The following NETO2 variants were observed in gnomAD, a reference collection of about 807,000 sequenced individuals.
NETO2 encodes neuropilin and tolloid like 2.
A neutral mutation model predicts 62.5 loss-of-function variants in NETO2; 28 were observed. The ratio of observed to expected loss-of-function variants is 0.45; its 90% CI spans 0.33 to 0.61. The LOEUF (loss-of-function observed/expected upper bound fraction) is 0.61. Among genes scored for constraint, NETO2 ranks in the 20% least tolerant of loss-of-function variants. The pLI, the probability that NETO2 is intolerant of heterozygous loss-of-function variation, is 0.02. For missense variants in NETO2, 548 were observed against 643.2 expected (o/e 0.85, Z 1.60); for synonymous variants, 214 against 219.1 (o/e 0.98, Z 0.21).
At position 47,125,846 on chromosome 16, in the gene NETO2, C is replaced by T. The variant is rs186442757; in HGVS notation, c.481+2479G>A. 9.6e-4 allele frequency among the ~76,000 whole-genome samples: 146 copies of T among 152,310 alleles called. 1 individual carries two copies. Among genetic ancestry groups the T allele is most frequent in the African/African-American group, 3.5e-3 (144 of 41,560 alleles). On this transcript the variant is annotated intron_variant, in intron 4 of 8. Transcript: ENST00000562435. Reference sequence around the variant, plus strand: ...GCTGGAATGACACGTGTGCACCACACGCCTGGCTCCACCATTTTTAAGTTT... The same window carrying T: ...GCTGGAATGACACGTGTGCACCACATGCCTGGCTCCACCATTTTTAAGTTT...
chr16:47,115,714 C>CATATATATATATACATATAT (rs1555498121), intron 6 of NETO2, among the ~76,000 whole-genome samples: 44 of 128,470 alleles, frequency 3.4e-4, no homozygotes, highest in African/African-American at 1.5e-3. Flanking sequence ...TATATATATA[C>CATATATATATATACATATAT]ATATATATAT....
At chr16:47,104,772 T>G (rs1345728846) in intron 7 of NETO2, among the ~76,000 whole-genome samples, 1 of 152,230 alleles carries the variant, frequency 6.6e-6, no homozygotes, top group South Asian at 2.1e-4. Flanking sequence ...CAGGCTGGAG[T>G]GCAGTGGCAC....
intron 1 of NETO2, among the ~76,000 whole-genome samples, chr16:47,139,383 C>A (rs761504511): frequency 3.9e-5 from 6 of 152,178 alleles, no homozygotes; most frequent in Non-Finnish European, 7.3e-5. Context: ...AGATACCCTG[C>A]CACCACTGTT....
At chr16:47,106,791 T>G (rs1342908764) in intron 7 of NETO2, among the ~76,000 whole-genome samples, 1 of 152,094 alleles carries the variant, frequency 6.6e-6, no homozygotes, top group Non-Finnish European at 1.5e-5. Context: ...AATTTTTTTT[T>G]TTTTTTGAGA....
intron 7 of NETO2, among the ~76,000 whole-genome samples, chr16:47,102,029 A>G (rs1265866250): frequency 6.6e-6 from 1 of 152,204 alleles, no homozygotes; most frequent in African/African-American, 2.4e-5. Flanking sequence ...CTTACTTTCA[A>G]ACTATACTAC....
intron 6 of NETO2, among the ~76,000 whole-genome samples, chr16:47,111,892 AT>A (rs1361538700): frequency 6.6e-6 from 1 of 152,002 alleles, no homozygotes; most frequent in Non-Finnish European, 1.5e-5. Flanking sequence ...TGACACTTTT[AT>A]TTCTCAATTG....
chr16:47,105,027 T>C (rs1229988846), intron 7 of NETO2, among the ~76,000 whole-genome samples: 1 of 151,816 alleles, frequency 6.6e-6, no homozygotes, highest in Non-Finnish European at 1.5e-5. Flanking sequence ...GCCTTTTTTT[T>C]TTTCTTTTTT....
chr16:47,092,661 T>C (rs758696558), intron 7 of NETO2, among the ~76,000 whole-genome samples: 9 of 152,174 alleles, frequency 5.9e-5, no homozygotes, highest in Non-Finnish European at 7.3e-5. Flanking sequence ...TTGTAGTTAT[T>C]TGACACAGTG....
intron 7 of NETO2, among the ~76,000 whole-genome samples, chr16:47,105,836 A>G (rs1277701674): frequency 6.6e-6 from 1 of 152,196 alleles, no homozygotes; most frequent in Admixed American, 6.5e-5. Flanking sequence ...GTATTGGTGA[A>G]CATGTGGAGA....
At chr16:47,114,435 A>ATTTT (rs1244612138) in intron 6 of NETO2, among the ~76,000 whole-genome samples, 7 of 86,416 alleles carry the variant, frequency 8.1e-5, no homozygotes, top group Non-Finnish European at 1.6e-4. Flanking sequence ...CAATTTATAA[A>ATTTT]TTTCTTTTTT....
chr16:47,131,074 G>GA (rs759384259), intron 2 of NETO2, among the ~76,000 whole-genome samples: 6,488 of 114,470 alleles, frequency 0.057, 143 homozygotes, highest in East Asian at 0.1. Context: ...AATTAAAACA[G>GA]AAAAAAAAAA....
At chr16:47,130,876 G>A (rs1567399271) in intron 2 of NETO2, among the ~76,000 whole-genome samples, 1 of 152,068 alleles carries the variant, frequency 6.6e-6, no homozygotes, top group Non-Finnish European at 1.5e-5. Flanking sequence ...CTTACGATCT[G>A]ACCCTTTACA....
chr16:47,081,666 A>G lies in NETO2; in HGVS notation c.*1555T>C, dbSNP rs922922763. 6.6e-6 allele frequency: 1 copy of G among 152,600 alleles called. No individual in the cohort carries two copies. Among genetic ancestry groups the G allele is most frequent in the Admixed American group, 6.5e-5 (1 of 15,278 alleles). 9.5% of individuals were successfully genotyped at this position (152,600 alleles called of 1,614,324 possible). A position where few individuals can be genotyped will look rare whatever the true frequency, so the allele number is the denominator to read the frequency against. ...TTCATTGAGAATTTACTAACAAAAT[A>G]TAGAAAACAAGAATTTACCTCTTTT... On this transcript the variant is annotated 3_prime_UTR_variant, in exon 9 of 9. Coordinates refer to ENST00000562435, the MANE Select transcript of NETO2 (RefSeq NM_018092.5).
In NETO2 at chr16:47,095,394, A is replaced by C. The variant is rs1963407966; in HGVS notation, c.884-9055T>G. 1.3e-5 allele frequency among the ~76,000 whole-genome samples: 2 copies of C among 152,322 alleles called. 1 individual carries two copies. Among genetic ancestry groups the C allele is most frequent in the Middle Eastern group, 6.8e-3 (2 of 294 alleles). ...AACATAAATAAACTCTCCAATCAAA[A>C]GAAGAGATTGCAGAATTGATGGGAA... is the stretch of plus-strand genomic sequence containing the variant. On this transcript the variant is annotated intron_variant, in intron 7 of 8. Coordinates refer to ENST00000562435, the MANE Select transcript of NETO2 (RefSeq NM_018092.5).
Position 47,124,839 on chromosome 16 carries a change from CATA to C in NETO2, c.482-1930_482-1928del, listed in dbSNP as rs901738354. 1.3e-4 allele frequency among the ~76,000 whole-genome samples: 20 copies of C among 152,156 alleles called. 1 individual carries two copies. Among genetic ancestry groups the C allele is most frequent in the Admixed American group, 6.5e-4 (10 of 15,274 alleles). On this transcript the variant is annotated intron_variant, in intron 4 of 8. Transcript: ENST00000562435. ...CATTAGTCATTAGCACAAAATTAAA[CATA>C]ATGTCTATCAAAACTGTGAAGCACT...
rs1964349169 is a variant in NETO2, at chr16:47,135,542, A to G, written c.35-3517T>C. On this transcript the variant is annotated intron_variant, in intron 1 of 8. Coordinates refer to ENST00000562435, the MANE Select transcript of NETO2 (RefSeq NM_018092.5). The stretch of plus-strand genomic sequence containing the variant: ...TACTCCTGGTTCTAGAGTTGAATTT[A>G]GTCTTATTTAGTCAGACCTGTGTAC... 2.0e-5 allele frequency among the ~76,000 whole-genome samples: 3 copies of G among 152,078 alleles called. No individual in the cohort carries two copies. In the South Asian group the frequency reaches 6.2e-4, roughly 32 times the overall value.
intron 6 of NETO2, among the ~76,000 whole-genome samples, chr16:47,114,379 TCTCA>T (rs1338203285): frequency 6.7e-6 from 1 of 149,900 alleles, no homozygotes; most frequent in East Asian, 1.9e-4. Context: ...TTTTTTTTTT[TCTCA>T]CTCAACAGTG....
chr16:47,143,606 G>A lies in NETO2; in HGVS notation c.7C>T (p.Leu3=). 8.2e-7 allele frequency: 1 copy of A among 1,222,962 alleles called. No homozygotes were observed. The highest frequency in any genetic ancestry group is 4.1e-5 in the South Asian group (1 of 24,278). The allele number at this position is 1,222,962 out of a possible 1,614,324, so 75.8% of individuals were successfully genotyped here. MA[L]ERLCSVLKVL... ...TTGAGGACCGAGCAGAGCCGCTCCA[G>A]GGCCATGTTCCCGAGCTGCCCGGCG... The change falls in exon 1 of 9, where the codon CTG becomes TTG. Residue 3 remains leucine, a synonymous_variant. Transcript: ENST00000562435.
At chr16:47,091,172 C>G (rs1211170250) in intron 7 of NETO2, among the ~76,000 whole-genome samples, 2 of 152,156 alleles carry the variant, frequency 1.3e-5, no homozygotes, top group Non-Finnish European at 2.9e-5. Flanking sequence ...ATCACACACA[C>G]TTTTTCTGAA....
Sources: gnomAD v4.1 joint callset for allele counts (sites outside exome capture counted in the v4.1 genomes callset) on GRCh38, gnomAD v4.1.1 for gene constraint, MANE v1.5 for transcripts, NCBI Gene and HGNC (gene_info 2026-07-23, HGNC 2026-07-21) for gene names.